Variants in WDR17 observed in about 807,000 individuals in gnomAD.
WDR17 encodes the protein WD repeat domain 17.
Under a neutral mutation model 161.7 loss-of-function variants are expected in WDR17, and 143 were observed. The ratio of observed to expected loss-of-function variants is 0.88; its 90% CI spans 0.77 to 1.02. The LOEUF (loss-of-function observed/expected upper bound fraction) is 1.02, where lower values mean the gene tolerates loss of function less well. Among genes scored for constraint, WDR17 ranks in the 50% least tolerant of loss-of-function variants. WDR17 has a pLI of 0.00. For synonymous variants in WDR17, 517 were observed against 515.6 expected (o/e 1.00, Z -0.04); for missense variants, 1,469 against 1,520.9 (o/e 0.97, Z 0.57).
At chr4:176,152,931 C>T (rs1160787817) in intron 17 of WDR17, among the ~76,000 whole-genome samples, 1 of 147,538 alleles carries the variant, frequency 6.8e-6, no homozygotes, top group South Asian at 2.1e-4. Flanking sequence ...AAGACTCCAT[C>T]TCAAAAAAAA....
chr4:176,146,877 AT>A (rs11295206), intron 12 of WDR17, among the ~76,000 whole-genome samples: 17,723 of 150,258 alleles, frequency 0.12, 2,778 homozygotes, highest in African/African-American at 0.36. Context: ...GAAAAAAAAA[AT>A]TTTTTTTTTG....
chr4:176,072,915 A>T (rs1290761926), intron 1 of WDR17, among the ~76,000 whole-genome samples: 2 of 152,094 alleles, frequency 1.3e-5, no homozygotes, highest in Non-Finnish European at 2.9e-5. Flanking sequence ...AGACATTTTT[A>T]GGTACTTTTA....
At chr4:176,092,724 A>G (rs545465117) in intron 1 of WDR17, among the ~76,000 whole-genome samples, 2 of 152,214 alleles carry the variant, frequency 1.3e-5, no homozygotes, top group Non-Finnish European at 2.9e-5. Context: ...CAGCATTTCT[A>G]TATGCCAACA....
intron 16 of WDR17, 120 bp downstream of exon 16, chr4:176,150,713 C>A (rs1746980986): frequency 1.0e-6 from 1 of 971,834 alleles, no homozygotes; most frequent in Non-Finnish European, 1.4e-6. Flanking sequence ...TAAATGAACA[C>A]TGAGGAGATC....
intron 23 of WDR17, among the ~76,000 whole-genome samples, chr4:176,171,322 C>A (rs1750703928): frequency 6.6e-6 from 1 of 152,080 alleles, no homozygotes; most frequent in African/African-American, 2.4e-5. Flanking sequence ...TTTCTTATTT[C>A]CTCTATGCCA....
At chr4:176,079,504 T>G (rs1206831266) in intron 1 of WDR17, among the ~76,000 whole-genome samples, 1 of 152,164 alleles carries the variant, frequency 6.6e-6, no homozygotes, top group Non-Finnish European at 1.5e-5. Flanking sequence ...TTTAAAAATT[T>G]ACACATAGTC....
At chr4:176,124,889 A>G (rs912898262) in intron 4 of WDR17, among the ~76,000 whole-genome samples, 1 of 152,208 alleles carries the variant, frequency 6.6e-6, no homozygotes, top group African/African-American at 2.4e-5. Flanking sequence ...GGCACTGGAA[A>G]TTGCCAAAAC....
At chr4:176,108,660 T>C (rs1739203733) in intron 1 of WDR17, among the ~76,000 whole-genome samples, 1 of 152,026 alleles carries the variant, frequency 6.6e-6, no homozygotes, top group Non-Finnish European at 1.5e-5. Flanking sequence ...ACTTGTGTTA[T>C]GGGGTGGGGG....
Position 176,125,122 on chromosome 4 carries a change from A to G in WDR17, c.557A>G (p.His186Arg), listed in dbSNP as rs200507570. The G allele has an allele frequency of 3.7e-6, 6 of 1,614,044 alleles. No homozygotes were observed. The African/African-American group carries it at 8.0e-5, about 22-fold the overall frequency. The change falls in exon 5 of 29, where the codon CAT (histidine) becomes CGT (arginine). Residue 186 changes from histidine to arginine, a missense_variant. Transcript: ENST00000508596. The stretch of plus-strand genomic sequence containing the variant: ...TTAACAGGTAATAAAAATCAGAAAC[A>G]TGTTTTGAGACCAGAATCTCTTGAA... ...IFHPGNKNQK[H>R]VLRPESLEGT...
At position 176,134,825 on chromosome 4, in the gene WDR17, T is replaced by C. The variant is rs186306685; in HGVS notation, c.1099-283T>C. On this transcript the variant is annotated intron_variant, in intron 7 of 28. Transcript: ENST00000508596. ...AATAGAAAATATCTTTTGCACTGAA[T>C]TGAAACTGAAAAGTGAGACTTCTGA... Among the ~76,000 whole-genome samples the C allele has an allele frequency of 4.6e-5, 7 of 151,780 alleles. No individual in the cohort carries two copies. In the East Asian group the frequency reaches 1.2e-3, roughly 25 times the overall value.
rs1736851269 is a variant in WDR17, at chr4:176,096,341, A to G, written c.-6-15234A>G. 3 of 419,690 alleles carry G rather than the reference A, an allele frequency of 7.1e-6. No individual in the cohort carries two copies. In the East Asian group the frequency reaches 1.1e-4, roughly 15 times the overall value. 26.0% of individuals were successfully genotyped at this position (419,690 alleles called of 1,614,324 possible). ...CTTTCTTATTTTCTTATTTACTTGT[A>G]AAAAATTAAAATTGTTTCAGCTGAA... is the stretch of plus-strand genomic sequence containing the variant. On this transcript the variant is annotated intron_variant, in intron 1 of 28. Coordinates refer to ENST00000508596, the MANE Select transcript of WDR17 (RefSeq NM_181265.4).
intron 1 of WDR17, among the ~76,000 whole-genome samples, chr4:176,089,099 C>T (rs1392360995): frequency 1.3e-5 from 2 of 152,124 alleles, no homozygotes; most frequent in Non-Finnish European, 2.9e-5. Flanking sequence ...TTAGAAAGCA[C>T]TGCTGTGGAT....
chr4:176,139,448 T>G (rs1360633200), intron 9 of WDR17, among the ~76,000 whole-genome samples: 1 of 151,928 alleles, frequency 6.6e-6, no homozygotes, highest in Non-Finnish European at 1.5e-5. Context: ...AATAGAACTT[T>G]GAAACTTAGA....
intron 1 of WDR17, among the ~76,000 whole-genome samples, chr4:176,084,493 A>G (rs1330216262): frequency 6.6e-6 from 1 of 152,008 alleles, no homozygotes; most frequent in Non-Finnish European, 1.5e-5. Flanking sequence ...CACCTCCAAC[A>G]TTGTGATCAA....
At chr4:176,144,528 T>G (rs1400745690) in intron 11 of WDR17, among the ~76,000 whole-genome samples, 1 of 152,184 alleles carries the variant, frequency 6.6e-6, no homozygotes, top group African/African-American at 2.4e-5. Context: ...TATTTCTCTG[T>G]TTTATAGAGT....
chr4:176,130,994 G>GA (rs1743352801), intron 6 of WDR17, among the ~76,000 whole-genome samples: 2 of 151,934 alleles, frequency 1.3e-5, no homozygotes, highest in East Asian at 3.9e-4. Context: ...ACAGTAAAAA[G>GA]AAAAAACAAA....
chr4:176,180,481 G>A lies in WDR17; in HGVS notation c.*902G>A, dbSNP rs1440747694. On this transcript the variant is annotated 3_prime_UTR_variant, in exon 29 of 29. Coordinates refer to ENST00000508596, the MANE Select transcript of WDR17 (RefSeq NM_181265.4). ...CTCAGCACTTTGGCAGGCCAAGGCA[G>A]GTGGATCACCTGAGGTCAGGAGTTC... 1 of 152,246 alleles carries A rather than the reference G, an allele frequency of 6.6e-6. No individual in the cohort carries two copies. The highest frequency in any genetic ancestry group is 1.5e-5 in the Non-Finnish European group (1 of 68,084). The allele number at this position is 152,246 out of a possible 1,614,324, so 9.4% of individuals were successfully genotyped here.
chr4:176,137,480 G>T, intron 8 of WDR17, 40 bp from the exon 9 acceptor site: 1 of 1,486,818 alleles, frequency 6.7e-7, no homozygotes. Context: ...TACATTTGTG[G>T]GAAACATTTA....
intron 1 of WDR17, among the ~76,000 whole-genome samples, chr4:176,090,561 A>G (rs1382525852): frequency 1.3e-5 from 2 of 152,216 alleles, no homozygotes; most frequent in Non-Finnish European, 1.5e-5. Context: ...AGGCTTTGTG[A>G]GAAATGGTCT....
Sources: allele counts gnomAD v4.1 joint callset (sites outside exome capture counted in the v4.1 genomes callset), GRCh38; gene constraint gnomAD v4.1.1; transcripts MANE v1.5; gene names NCBI Gene and HGNC (gene_info 2026-07-23, HGNC 2026-07-21).